The following SCHIP1 variants were observed in gnomAD, a reference collection of about 807,000 sequenced individuals.
The protein encoded by SCHIP1 is schwannomin interacting protein 1, also known as schwannomin-interacting protein 1.
Under a neutral mutation model 29.7 loss-of-function variants are expected in SCHIP1, and 8 were observed. The observed-to-expected ratio is 0.27, with a 90% CI of 0.16 to 0.49. The LOEUF (loss-of-function observed/expected upper bound fraction) is 0.49, where lower values mean the gene tolerates loss of function less well. Ranked by LOEUF, SCHIP1 falls within the 20% of genes least tolerant of loss-of-function variation. The pLI is 0.99. For missense variants in SCHIP1, 193 were observed against 294.6 expected (o/e 0.66, Z 2.52); for synonymous variants, 76 against 94.9 (o/e 0.80, Z 1.16).
chr3:159,321,119 C>T, the SCHIP1 span, among the ~76,000 whole-genome samples: 1 of 152,122 alleles, frequency 6.6e-6, no homozygotes, highest in Admixed American at 6.5e-5. Context: ...CACCTGCCAC[C>T]ACGCCCAGCT....
chr3:159,466,512 G>A, the SCHIP1 span, among the ~76,000 whole-genome samples: 2 of 152,242 alleles, frequency 1.3e-5, no homozygotes, highest in South Asian at 4.1e-4. Flanking sequence ...CCTATCAAAA[G>A]GAGAACACTC....
chr3:159,312,016 G>C, the SCHIP1 span, among the ~76,000 whole-genome samples: 1 of 152,240 alleles, frequency 6.6e-6, no homozygotes, highest in East Asian at 1.9e-4. Flanking sequence ...CCATAGCCTA[G>C]ACAACACAAC....
chr3:159,843,889 A>G (rs1424009198), intron 1 of SCHIP1, among the ~76,000 whole-genome samples: 3 of 147,014 alleles, frequency 2.0e-5, no homozygotes, highest in Non-Finnish European at 4.5e-5. Flanking sequence ...TTGTTTTATG[A>G]CTTTCAGTCC....
the SCHIP1 span, among the ~76,000 whole-genome samples, chr3:159,592,651 T>C: frequency 6.6e-6 from 1 of 151,976 alleles, no homozygotes; most frequent in Admixed American, 6.6e-5. Flanking sequence ...GTCCAATGTT[T>C]CTTTCTCTGT....
chr3:159,562,958 A>G, the SCHIP1 span, among the ~76,000 whole-genome samples: 1 of 152,230 alleles, frequency 6.6e-6, no homozygotes, highest in Admixed American at 6.5e-5. Flanking sequence ...ATTTGACAAA[A>G]CATATAGGAA....
At chr3:159,450,747 A>G in the SCHIP1 span, among the ~76,000 whole-genome samples, 13 of 151,976 alleles carry the variant, frequency 8.6e-5, no homozygotes, top group African/African-American at 2.4e-4. Context: ...AAGCCTTTAC[A>G]TGAACAAAAT....
the SCHIP1 span, among the ~76,000 whole-genome samples, chr3:159,466,497 A>T: frequency 1.3e-5 from 2 of 152,062 alleles, no homozygotes; most frequent in Non-Finnish European, 2.9e-5. Context: ...AGCCCTGAAA[A>T]GGTACCTATC....
chr3:159,517,742 C>A, the SCHIP1 span, among the ~76,000 whole-genome samples: 14 of 151,724 alleles, frequency 9.2e-5, no homozygotes, highest in Non-Finnish European at 1.8e-4. Flanking sequence ...TGACAGTACA[C>A]CCTAAAACCT....
chr3:159,394,174 C>G, the SCHIP1 span, among the ~76,000 whole-genome samples: 81,318 of 143,032 alleles, frequency 0.57, 24,664 homozygotes, highest in Non-Finnish European at 0.66. Flanking sequence ...TGTATCCTGA[C>G]ACTTTGCTGA....
chr3:159,866,775 T>C, intron 2 of SCHIP1, among the ~76,000 whole-genome samples: 1 of 152,234 alleles, frequency 6.6e-6, no homozygotes, highest in South Asian at 2.1e-4. Context: ...TTTTTCTTTA[T>C]CTTAATTTAT....
the SCHIP1 span, among the ~76,000 whole-genome samples, chr3:159,786,699 G>T: frequency 3.8e-5 from 5 of 132,680 alleles, no homozygotes; most frequent in African/African-American, 1.4e-4. Flanking sequence ...GTGTGTGTCT[G>T]CGCGTGTGCA....
chr3:159,717,818 C>A, the SCHIP1 span, among the ~76,000 whole-genome samples: 4 of 152,208 alleles, frequency 2.6e-5, no homozygotes, highest in East Asian at 7.7e-4. Flanking sequence ...GGAGCTGGTA[C>A]CATTCCTTCT....
the SCHIP1 span, among the ~76,000 whole-genome samples, chr3:159,601,273 G>A: frequency 1.6e-4 from 24 of 152,276 alleles, no homozygotes; most frequent in East Asian, 4.1e-3. Context: ...AGTGGTATGG[G>A]CTGGTATTGA....
At chr3:159,537,877 A>G in the SCHIP1 span, among the ~76,000 whole-genome samples, 17,818 of 152,238 alleles carry the variant, frequency 0.12, 1,059 homozygotes, top group South Asian at 0.13. Context: ...AGAAAAAAAT[A>G]TACATAGTGT....
At chr3:159,614,621 C>A in the SCHIP1 span, among the ~76,000 whole-genome samples, 1 of 152,198 alleles carries the variant, frequency 6.6e-6, no homozygotes, top group Admixed American at 6.5e-5. Flanking sequence ...TAACCTATCT[C>A]AACCCTTCTC....
At chr3:159,420,953 A>C in the SCHIP1 span, among the ~76,000 whole-genome samples, 1 of 152,212 alleles carries the variant, frequency 6.6e-6, no homozygotes, top group Non-Finnish European at 1.5e-5. Context: ...GCAATTTCTT[A>C]AGACAAGCCT....
chr3:159,293,040 C>T, the SCHIP1 span, among the ~76,000 whole-genome samples: 1 of 152,172 alleles, frequency 6.6e-6, no homozygotes, highest in Admixed American at 6.6e-5. Context: ...TAATGATGTC[C>T]ATAATCAACA....
the SCHIP1 span, among the ~76,000 whole-genome samples, chr3:159,634,194 G>C: frequency 6.6e-6 from 1 of 152,270 alleles, no homozygotes; most frequent in South Asian, 2.1e-4. Context: ...TAAGATGCTA[G>C]TTAGAAATGC....
chr3:159,406,434 C>G, the SCHIP1 span, among the ~76,000 whole-genome samples: 1 of 152,148 alleles, frequency 6.6e-6, no homozygotes, highest in African/African-American at 2.4e-5. Context: ...CCCAGACAAA[C>G]AAAAGCTGAG....
Sources: allele counts gnomAD v4.1 joint callset (sites outside exome capture counted in the v4.1 genomes callset), GRCh38; gene constraint gnomAD v4.1.1; transcripts MANE v1.5; gene names NCBI Gene and HGNC (gene_info 2026-07-23, HGNC 2026-07-21).